Variants in KALRN observed in about 807,000 individuals in gnomAD.
KALRN encodes kalirin.
Under a neutral mutation model 353.7 loss-of-function variants are expected in KALRN, and 70 were observed. The ratio of observed to expected loss-of-function variants is 0.20; its 90% CI spans 0.16 to 0.24. KALRN has a LOEUF of 0.24. KALRN is among the 10% of genes least tolerant of loss of function. The pLI is 1.00. For synonymous variants in KALRN, 1,391 were observed against 1,434.8 expected, an observed-to-expected ratio of 0.97 and a Z score of 0.69; for missense variants, 2,791 against 3,756.7, an observed-to-expected ratio of 0.74 and a Z score of 6.72.
At chr3:124,649,882 G>T (rs2083213304) in intron 37 of KALRN, among the ~76,000 whole-genome samples, 1 of 150,320 alleles carries the variant, frequency 6.7e-6, no homozygotes, top group Non-Finnish European at 1.5e-5. Context: ...CCAACACTTT[G>T]GGAGACTGAA....
chr3:124,293,059 A>T (rs2076555589), intron 5 of KALRN, among the ~76,000 whole-genome samples: 1 of 152,208 alleles, frequency 6.6e-6, no homozygotes, highest in Non-Finnish European at 1.5e-5. Flanking sequence ...CTGGGCGGCT[A>T]GTTTCCCAGA....
chr3:124,540,387 T>G (rs2068917226), intron 33 of KALRN, among the ~76,000 whole-genome samples: 1 of 152,170 alleles, frequency 6.6e-6, no homozygotes. Flanking sequence ...CAGTTCTCAT[T>G]TTAAAGAAAT....
chr3:124,335,772 A>T (rs1274927921), intron 9 of KALRN, among the ~76,000 whole-genome samples: 2 of 152,224 alleles, frequency 1.3e-5, no homozygotes, highest in African/African-American at 2.4e-5. Context: ...AGGATTATAC[A>T]TATAAAATAA....
intron 34 of KALRN, among the ~76,000 whole-genome samples, chr3:124,592,758 TA>T (rs1381729682): frequency 1.3e-5 from 2 of 152,202 alleles, no homozygotes; most frequent in African/African-American, 4.8e-5. Context: ...AATCAATGAC[TA>T]ATAGAGCATA....
chr3:124,040,971 G>A (rs1175298258), intron 1 of KALRN, among the ~76,000 whole-genome samples: 1 of 152,098 alleles, frequency 6.6e-6, no homozygotes, highest in Non-Finnish European at 1.5e-5. Context: ...CTAGGTTTTG[G>A]GCCTTGGCTC....
intron 32 of KALRN, among the ~76,000 whole-genome samples, chr3:124,494,816 C>T (rs2063532423): frequency 6.6e-6 from 1 of 152,224 alleles, no homozygotes; most frequent in Non-Finnish European, 1.5e-5. Context: ...ATTTGTGGCA[C>T]TTTGTTCATG....
intron 10 of KALRN, among the ~76,000 whole-genome samples, chr3:124,348,605 G>A (rs2082514630): frequency 6.6e-6 from 1 of 152,132 alleles, no homozygotes; most frequent in African/African-American, 2.4e-5. Context: ...AATGTAAAAT[G>A]GTGCAGCCAC....
At chr3:124,190,538 C>A (rs559435275) in intron 1 of KALRN, among the ~76,000 whole-genome samples, 2 of 152,272 alleles carry the variant, frequency 1.3e-5, no homozygotes, top group South Asian at 4.1e-4. Flanking sequence ...TTTTATTATG[C>A]TCATAATTTT....
chr3:124,597,723 AT>A (rs2076401866), intron 34 of KALRN, among the ~76,000 whole-genome samples: 1 of 152,202 alleles, frequency 6.6e-6, no homozygotes, highest in Non-Finnish European at 1.5e-5. Context: ...AAGCATCTCA[AT>A]TTTTATATTG....
intron 1 of KALRN, among the ~76,000 whole-genome samples, chr3:124,157,580 T>A (rs1447545615): frequency 6.6e-6 from 1 of 152,210 alleles, no homozygotes; most frequent in East Asian, 1.9e-4. Context: ...TAAATACCTT[T>A]AAGAAGTTAC....
At chr3:124,148,734 A>G (rs999392478) in intron 1 of KALRN, among the ~76,000 whole-genome samples, 4 of 152,186 alleles carry the variant, frequency 2.6e-5, no homozygotes, top group Non-Finnish European at 4.4e-5. Context: ...GGAAAAAAAA[A>G]ATAGGTAAAG....
intron 10 of KALRN, among the ~76,000 whole-genome samples, chr3:124,359,793 T>G (rs905987766): frequency 6.6e-6 from 1 of 152,160 alleles, no homozygotes; most frequent in South Asian, 2.1e-4. Flanking sequence ...TGGCTGGTAA[T>G]AGAATATATT....
At chr3:124,366,862 G>C (rs1307548382) in intron 10 of KALRN, among the ~76,000 whole-genome samples, 2 of 141,222 alleles carry the variant, frequency 1.4e-5, no homozygotes, top group Non-Finnish European at 3.0e-5. Flanking sequence ...TCCCGGACGG[G>C]GCGGCTGGCC....
At chr3:124,166,621 C>A (rs989597205) in intron 1 of KALRN, among the ~76,000 whole-genome samples, 1 of 152,140 alleles carries the variant, frequency 6.6e-6, no homozygotes, top group African/African-American at 2.4e-5. Flanking sequence ...TCCAGGAGTC[C>A]GTTCAGCATA....
intron 3 of KALRN, among the ~76,000 whole-genome samples, chr3:124,251,336 G>A (rs991943629): frequency 6.7e-6 from 1 of 149,738 alleles, no homozygotes; most frequent in South Asian, 2.1e-4. Context: ...TGTTTGCGGC[G>A]TGGCATGGCA....
intron 3 of KALRN, among the ~76,000 whole-genome samples, chr3:124,245,659 T>TG (rs1553871933): frequency 0.1 from 11,238 of 110,530 alleles, 455 homozygotes; most frequent in South Asian, 0.13. Flanking sequence ...TGTTATTTTC[T>TG]GTTTTTTTTT....
intron 1 of KALRN, among the ~76,000 whole-genome samples, chr3:124,160,897 T>C (rs370030352): frequency 3.3e-5 from 5 of 152,014 alleles, no homozygotes; most frequent in East Asian, 1.9e-4. Context: ...TAAAATGCTG[T>C]ATAATATTGT....
intron 33 of KALRN, among the ~76,000 whole-genome samples, chr3:124,498,843 G>A (rs975733113): frequency 2.0e-5 from 3 of 151,988 alleles, no homozygotes; most frequent in Non-Finnish European, 4.4e-5. Flanking sequence ...TCATTGGTAT[G>A]TTTGAACTTG....
At chr3:124,531,326 T>C (rs2068025901) in intron 33 of KALRN, among the ~76,000 whole-genome samples, 1 of 152,262 alleles carries the variant, frequency 6.6e-6, no homozygotes, top group Non-Finnish European at 1.5e-5. Context: ...CTAATATTTA[T>C]ATTTTGGCTT....
Sources: allele counts gnomAD v4.1 joint callset (sites outside exome capture counted in the v4.1 genomes callset), GRCh38; gene constraint gnomAD v4.1.1; transcripts MANE v1.5; gene names NCBI Gene and HGNC (gene_info 2026-07-23, HGNC 2026-07-21).